Variants in RBMS3 observed in about 807,000 individuals in gnomAD.
RBMS3 encodes RNA-binding motif, single-stranded-interacting protein 3.
A neutral mutation model predicts 66.8 loss-of-function variants in RBMS3; 27 were observed. The ratio of observed to expected loss-of-function variants is 0.40; its 90% CI spans 0.30 to 0.56. RBMS3 has a LOEUF of 0.56. Ranked by LOEUF, RBMS3 falls within the 20% of genes least tolerant of loss-of-function variation. The pLI, the probability that RBMS3 is intolerant of heterozygous loss-of-function variation, is 0.40. For synonymous variants in RBMS3, 188 were observed against 183.0 expected (o/e 1.03, Z -0.22); for missense variants, 513 against 549.5 (o/e 0.93, Z 0.66).
chr3:29,423,601 G>C (rs899770330), intron 1 of RBMS3, among the ~76,000 whole-genome samples: 1 of 152,122 alleles, frequency 6.6e-6, no homozygotes, highest in African/African-American at 2.4e-5. Context: ...ATATGTTGTA[G>C]CTATAAGAAT....
chr3:29,748,361 A>G (rs981962971), intron 5 of RBMS3, among the ~76,000 whole-genome samples: 1 of 152,192 alleles, frequency 6.6e-6, no homozygotes, highest in African/African-American at 2.4e-5. Context: ...ATGATTAAGT[A>G]CAGAGTTTAT....
chr3:29,526,964 G>C (rs1433468993), intron 3 of RBMS3, among the ~76,000 whole-genome samples: 1 of 151,686 alleles, frequency 6.6e-6, no homozygotes, highest in African/African-American at 2.4e-5. Context: ...TTTTCAACGT[G>C]ACCATTCCTA....
At chr3:29,366,003 T>C (rs191624015) in intron 1 of RBMS3, among the ~76,000 whole-genome samples, 20 of 152,252 alleles carry the variant, frequency 1.3e-4, no homozygotes, top group African/African-American at 3.4e-4. Flanking sequence ...TTATTTTGAC[T>C]GAAGGAAAAA....
chr3:29,290,380 C>G (rs1559463509), intron 1 of RBMS3, among the ~76,000 whole-genome samples: 1 of 151,738 alleles, frequency 6.6e-6, no homozygotes, highest in Non-Finnish European at 1.5e-5. Flanking sequence ...GGATACTCAA[C>G]AGATAAATAT....
intron 10 of RBMS3, among the ~76,000 whole-genome samples, chr3:29,911,490 C>T (rs1227784613): frequency 1.3e-5 from 2 of 152,052 alleles, no homozygotes; most frequent in Non-Finnish European, 2.9e-5. Flanking sequence ...AGCCTCCTCA[C>T]CAATATCCGA....
At position 29,314,069 on chromosome 3, in the gene RBMS3, AG is replaced by A. The variant is rs764891371; in HGVS notation, c.75+32317del. Among the ~76,000 whole-genome samples the A allele has an allele frequency of 1.9e-3, 268 of 140,030 alleles. 3 individuals carry two copies. The highest frequency in any genetic ancestry group is 2.3e-3 in the Non-Finnish European group (141 of 60,078). 91.9% of individuals were successfully genotyped at this position (140,030 alleles called of 152,430 possible). A position where few individuals can be genotyped will look rare whatever the true frequency, so the allele number is the denominator to read the frequency against. Reference sequence around the variant, plus strand: ...TGCAGTACTGTGGTGGTGGAGGTATAGGGGTGGTGATAGTAATAGAAGTCAT... The same window carrying A: ...TGCAGTACTGTGGTGGTGGAGGTATAGGGTGGTGATAGTAATAGAAGTCAT... On this transcript the variant is annotated intron_variant, in intron 1 of 14. Coordinates refer to ENST00000383767, the MANE Select transcript of RBMS3 (RefSeq NM_001003793.3).
At chr3:29,998,191 A>G (rs1400343405) in intron 14 of RBMS3, among the ~76,000 whole-genome samples, 1 of 152,224 alleles carries the variant, frequency 6.6e-6, no homozygotes, top group Admixed American at 6.5e-5. Flanking sequence ...TAAAATACCT[A>G]GGAATCCAAC....
intron 14 of RBMS3, among the ~76,000 whole-genome samples, chr3:29,993,540 A>G (rs563414502): frequency 9.2e-5 from 14 of 152,332 alleles, no homozygotes; most frequent in South Asian, 8.3e-4. Flanking sequence ...CAGTTAAAGC[A>G]GATTCCACCC....
intron 7 of RBMS3, among the ~76,000 whole-genome samples, chr3:29,878,260 T>G (rs891510741): frequency 2.0e-5 from 3 of 152,186 alleles, no homozygotes; most frequent in Admixed American, 6.5e-5. Context: ...AGGCCATGGA[T>G]GGCTACTGGT....
intron 1 of RBMS3, among the ~76,000 whole-genome samples, chr3:29,302,516 G>A (rs943557274): frequency 1.6e-4 from 24 of 151,346 alleles, no homozygotes; most frequent in African/African-American, 5.3e-4. Context: ...CCACAATCTT[G>A]GAAAAAAAAT....
At chr3:29,674,701 A>G (rs1023135186) in intron 4 of RBMS3, among the ~76,000 whole-genome samples, 4 of 148,646 alleles carry the variant, frequency 2.7e-5, no homozygotes, top group African/African-American at 9.9e-5. Context: ...AAGGGATGTG[A>G]AGGACCTATT....
intron 4 of RBMS3, among the ~76,000 whole-genome samples, chr3:29,623,460 C>T (rs991498233): frequency 6.6e-6 from 1 of 151,518 alleles, no homozygotes; most frequent in Non-Finnish European, 1.5e-5. Flanking sequence ...GGCGTGGTGG[C>T]GGGCGCCTGT....
intron 10 of RBMS3, among the ~76,000 whole-genome samples, chr3:29,915,154 CT>C (rs1252844823): frequency 7.8e-4 from 95 of 121,182 alleles, no homozygotes; most frequent in African/African-American, 3.1e-3. Context: ...TAGAGTGTTC[CT>C]AAAAAAAAAA....
At chr3:29,489,391 C>G (rs190433619) in intron 3 of RBMS3, among the ~76,000 whole-genome samples, 129 of 152,016 alleles carry the variant, frequency 8.5e-4, no homozygotes, top group Non-Finnish European at 1.6e-3. Context: ...TAAAAACATT[C>G]CACGTCTTCT....
chr3:29,638,282 G>T (rs1390665164), intron 4 of RBMS3, among the ~76,000 whole-genome samples: 1 of 151,404 alleles, frequency 6.6e-6, no homozygotes, highest in African/African-American at 2.4e-5. Flanking sequence ...GCTAGGACAG[G>T]TTCACAAGGA....
At chr3:29,427,833 G>A (rs924683289) in intron 1 of RBMS3, among the ~76,000 whole-genome samples, 2 of 152,124 alleles carry the variant, frequency 1.3e-5, no homozygotes, top group Non-Finnish European at 1.5e-5. Context: ...GATCCTGCCA[G>A]CAACCAGATG....
At chr3:29,415,104 G>A (rs116763353) in intron 1 of RBMS3, among the ~76,000 whole-genome samples, 110 of 152,188 alleles carry the variant, frequency 7.2e-4, no homozygotes, top group African/African-American at 2.4e-3. Context: ...TTTATATAAC[G>A]CACATTTTTT....
At chr3:29,914,774 G>T (rs995183401) in intron 10 of RBMS3, among the ~76,000 whole-genome samples, 1 of 151,838 alleles carries the variant, frequency 6.6e-6, no homozygotes, top group African/African-American at 2.4e-5. Context: ...GAAATCTTAG[G>T]AGCCCCCAAT....
rs1191386786 is a variant in RBMS3, at chr3:30,008,650, C to T, written c.*4788C>T. 2 of 152,100 alleles carry T rather than the reference C, an allele frequency of 1.3e-5. No homozygotes were observed. The highest frequency in any genetic ancestry group is 1.5e-5 in the Non-Finnish European group (1 of 67,988). 9.4% of individuals were successfully genotyped at this position (152,100 alleles called of 1,614,324 possible). On this transcript the variant is annotated 3_prime_UTR_variant, in exon 15 of 15. Coordinates refer to ENST00000383767, the MANE Select transcript of RBMS3 (RefSeq NM_001003793.3). ...TAAACAGGCTCATTGATTCTGTACACTCTACCCTTCCTGTGGCAAGTGATA... is the reference window on the plus strand; with the variant it reads ...TAAACAGGCTCATTGATTCTGTACATTCTACCCTTCCTGTGGCAAGTGATA...
Sources: allele counts gnomAD v4.1 joint callset (sites outside exome capture counted in the v4.1 genomes callset), GRCh38; gene constraint gnomAD v4.1.1; transcripts MANE v1.5; gene names NCBI Gene and HGNC (gene_info 2026-07-23, HGNC 2026-07-21).